The following CDH8 variants were observed in gnomAD, a reference collection of about 807,000 sequenced individuals.
CDH8 encodes the protein cadherin-8.
In CDH8, 17 loss-of-function variants were observed where a neutral mutation model predicts 68.1. The ratio of observed to expected loss-of-function variants is 0.25; its 90% CI spans 0.17 to 0.37. The LOEUF (loss-of-function observed/expected upper bound fraction) is 0.37, where lower values mean the gene tolerates loss of function less well. CDH8 is among the 10% of genes least tolerant of loss of function. The pLI is 1.00. For missense variants in CDH8, 763 were observed against 999.3 expected (o/e 0.76, Z 3.19); for synonymous variants, 372 against 365.1 (o/e 1.02, Z -0.21).
chr16:61,795,130 A>G (rs13337535), intron 7 of CDH8, among the ~76,000 whole-genome samples: 32,988 of 151,948 alleles, frequency 0.22, 4,135 homozygotes, highest in African/African-American at 0.35. Context: ...TTTCATTACA[A>G]AACTCTGATA....
At chr16:61,956,415 C>A (rs887086125) in intron 2 of CDH8, among the ~76,000 whole-genome samples, 1 of 151,342 alleles carries the variant, frequency 6.6e-6, no homozygotes, top group Non-Finnish European at 1.5e-5. Flanking sequence ...ACCACTAACT[C>A]CAAATAATCC....
intron 2 of CDH8, among the ~76,000 whole-genome samples, chr16:62,007,163 C>T (rs1177501998): frequency 6.6e-6 from 1 of 152,154 alleles, no homozygotes; most frequent in Non-Finnish European, 1.5e-5. Flanking sequence ...ACCTCGGCCT[C>T]CCAAAGTGCT....
At chr16:61,815,179 T>G (rs1159659457) in intron 7 of CDH8, among the ~76,000 whole-genome samples, 1 of 152,182 alleles carries the variant, frequency 6.6e-6, no homozygotes, top group Non-Finnish European at 1.5e-5. Flanking sequence ...AAAAACAGTC[T>G]CAAATCCCCT....
intron 10 of CDH8, chr16:61,693,470 T>C (rs1026949886): frequency 6.6e-6 from 1 of 152,086 alleles, no homozygotes; most frequent in African/African-American, 2.4e-5. Context: ...TGTGCACTCT[T>C]AGCACAGGAA....
intron 2 of CDH8, among the ~76,000 whole-genome samples, chr16:61,994,278 T>A (rs544408737): frequency 6.6e-6 from 1 of 152,314 alleles, no homozygotes; most frequent in Non-Finnish European, 1.5e-5. Flanking sequence ...ATTTTGCTTC[T>A]AAAAAGCTTA....
intron 2 of CDH8, among the ~76,000 whole-genome samples, chr16:61,996,249 G>C (rs568895655): frequency 6.6e-6 from 1 of 152,318 alleles, no homozygotes; most frequent in East Asian, 1.9e-4. Context: ...CTGAGGTTAA[G>C]TCCAGGATGA....
intron 9 of CDH8, among the ~76,000 whole-genome samples, chr16:61,718,433 A>G (rs1002575025): frequency 1.3e-5 from 2 of 151,334 alleles, no homozygotes; most frequent in African/African-American, 4.8e-5. Flanking sequence ...ATTGAACCAC[A>G]CTGTCACTTT....
In CDH8 at chr16:62,027,147, A is replaced by T. The variant is rs186302520; in HGVS notation, c.-199-5545T>A. Among the ~76,000 whole-genome samples the T allele has an allele frequency of 3.3e-5, 5 of 152,312 alleles. No individual in the cohort carries two copies. In the East Asian group the frequency reaches 9.6e-4, roughly 29 times the overall value. On this transcript the variant is annotated intron_variant, in intron 1 of 11. Transcript: ENST00000577390. ...TGAAGAGATTTTACAGTTTCTCTGG[A>T]ATTCTTACATATACGAAAGTCTTTA... is the stretch of plus-strand genomic sequence containing the variant.
At chr16:61,781,661 A>T (rs1366323766) in intron 8 of CDH8, among the ~76,000 whole-genome samples, 3 of 152,194 alleles carry the variant, frequency 2.0e-5, no homozygotes, top group Non-Finnish European at 4.4e-5. Context: ...AAAATTCTTT[A>T]TAATTATTGA....
At position 61,940,398 on chromosome 16, in the gene CDH8, C is replaced by CTTTTTTTTTTTTTTTTTTTTTTTTTTT. The variant is rs1185703652; in HGVS notation, c.253-38926_253-38925insAAAAAAAAAAAAAAAAAAAAAAAAAAA. On this transcript the variant is annotated intron_variant, in intron 2 of 11. Transcript: ENST00000577390. Reference sequence around the variant, plus strand: ...GAGCTATGGTAATGAACTACTTGATCTTTTTTTTTTTTTTTTTTTGAGACG... The same window carrying CTTTTTTTTTTTTTTTTTTTTTTTTTTT: ...GAGCTATGGTAATGAACTACTTGATCTTTTTTTTTTTTTTTTTTTTTTTTTTTTTTTTTTTTTTTTTTTTTTGAGACG... The CTTTTTTTTTTTTTTTTTTTTTTTTTTT allele has an allele frequency of 3.3e-4, 38 of 116,310 alleles. 2 individuals are homozygous for CTTTTTTTTTTTTTTTTTTTTTTTTTTT. The highest frequency in any genetic ancestry group is 9.0e-4 in the East Asian group (3 of 3,318). The allele number at this position is 116,310 out of a possible 1,614,324, so 7.2% of individuals were successfully genotyped here.
rs892549578 is a variant in CDH8, at chr16:61,706,711, G to A, written c.1654+7130C>T. ...GGCACAGAAGACGGAAGAGAATAAC[G>A]GAAAATAAAGTTAGGAAGATAGACA... On this transcript the variant is annotated intron_variant, in intron 10 of 11. Transcript: ENST00000577390. Among the ~76,000 whole-genome samples, 9 of 151,682 alleles carry A rather than the reference G, an allele frequency of 5.9e-5. No individual in the cohort carries two copies. The East Asian group carries it at 9.7e-4, about 16-fold the overall frequency.
intron 8 of CDH8, among the ~76,000 whole-genome samples, chr16:61,742,347 G>A (rs563702396): frequency 1.3e-5 from 2 of 151,334 alleles, no homozygotes; most frequent in Non-Finnish European, 2.9e-5. Context: ...TTTCTTCCTC[G>A]AACCTTATTG....
intron 4 of CDH8, among the ~76,000 whole-genome samples, chr16:61,855,317 C>T (rs1163375737): frequency 6.6e-6 from 1 of 152,140 alleles, no homozygotes; most frequent in African/African-American, 2.4e-5. Flanking sequence ...ATCACTGAAA[C>T]TTATAATTGT....
intron 9 of CDH8, among the ~76,000 whole-genome samples, chr16:61,719,128 AT>A (rs34234878): frequency 0.035 from 4,893 of 139,328 alleles, 284 homozygotes; most frequent in East Asian, 0.23. Context: ...TGAGCTCACC[AT>A]TTTTTTTTTT....
At chr16:61,908,529 T>C (rs1964101572) in intron 2 of CDH8, among the ~76,000 whole-genome samples, 1 of 152,202 alleles carries the variant, frequency 6.6e-6, no homozygotes, top group Non-Finnish European at 1.5e-5. Flanking sequence ...CATTCAGCCT[T>C]CTTTCATACT....
At chr16:61,843,195 A>T (rs886955971) in intron 4 of CDH8, among the ~76,000 whole-genome samples, 18 of 152,086 alleles carry the variant, frequency 1.2e-4, no homozygotes, top group African/African-American at 4.3e-4. Flanking sequence ...TCAATTTTAC[A>T]CGCTAAATCA....
chr16:61,761,447 G>T (rs747168436), intron 8 of CDH8, among the ~76,000 whole-genome samples: 1 of 152,018 alleles, frequency 6.6e-6, no homozygotes, highest in Non-Finnish European at 1.5e-5. Context: ...TTGTGTTTTT[G>T]GCTATTGGAA....
rs144145234 is a variant in CDH8, at chr16:61,959,146, T to G, written c.253-57673A>C. On this transcript the variant is annotated intron_variant, in intron 2 of 11. Coordinates refer to ENST00000577390, the MANE Select transcript of CDH8 (RefSeq NM_001796.5). ...CCCATCTCCATCTCTCACCTTCATC[T>G]AACTTAAATACTTCCATTCTATTCC... Among the ~76,000 whole-genome samples the G allele has an allele frequency of 1.6e-3, 251 of 152,242 alleles. 4 individuals carry two copies. The East Asian group carries it at 0.042, about 25-fold the overall frequency.
chr16:61,782,437 T>C (rs1327460679), intron 8 of CDH8, among the ~76,000 whole-genome samples: 17 of 148,900 alleles, frequency 1.1e-4, no homozygotes, highest in East Asian at 6.0e-4. Context: ...CGGAGGGTCC[T>C]ACGCCCACGG....
Sources: gnomAD v4.1 joint callset for allele counts (sites outside exome capture counted in the v4.1 genomes callset) on GRCh38, gnomAD v4.1.1 for gene constraint, MANE v1.5 for transcripts, NCBI Gene and HGNC (gene_info 2026-07-23, HGNC 2026-07-21) for gene names.